RHEX: variants seen among roughly 807,000 people sequenced by gnomAD.
RHEX encodes regulator of hemoglobinization and erythroid cell expansion protein.
A neutral mutation model predicts 20.1 loss-of-function variants in RHEX; 18 were observed. That is an observed-to-expected ratio of 0.90 (90% CI 0.62 to 1.33). The LOEUF (loss-of-function observed/expected upper bound fraction) is 1.33, where lower values mean the gene tolerates loss of function less well. RHEX is among the 40% of genes most tolerant of loss of function. RHEX has a pLI of 0.00. For missense variants in RHEX, 192 were observed against 214.3 expected (o/e 0.90, Z 0.65); for synonymous variants, 87 against 77.1 (o/e 1.13, Z -0.67).
Position 206,102,400 on chromosome 1 carries a change from G to A in RHEX, c.*448G>A, listed in dbSNP as rs551969105. The stretch of plus-strand genomic sequence containing the variant: ...TTCCCTTTGAGCTCTTTAATTATTG[G>A]CAATAAACAACTTCTTTAAAAGTTT... On this transcript the variant is annotated 3_prime_UTR_variant, in exon 6 of 6. Transcript: ENST00000331555. 2 of 159,720 alleles carry A rather than the reference G, an allele frequency of 1.3e-5. No individual in the cohort carries two copies. Among genetic ancestry groups the A allele is most frequent in the Non-Finnish European group, 2.8e-5 (2 of 72,352 alleles). The allele number at this position is 159,720 out of a possible 1,614,324, so 9.9% of individuals were successfully genotyped here.
intron 4 of RHEX, among the ~76,000 whole-genome samples, chr1:206,100,031 C>A (rs909228895): frequency 6.6e-6 from 1 of 152,170 alleles, no homozygotes; most frequent in Non-Finnish European, 1.5e-5. Context: ...CGGGTTTAGT[C>A]GTGTGCAAAT....
intron 1 of RHEX, among the ~76,000 whole-genome samples, chr1:206,062,638 AG>A (rs57409523): frequency 0.019 from 2,837 of 152,106 alleles, 84 homozygotes; most frequent in African/African-American, 0.065. Context: ...GAGGAGGCAT[AG>A]GGGGGCTGCA....
In RHEX at chr1:206,101,626, T is replaced by C. The variant is rs57530058; in HGVS notation, c.319-126T>C. On this transcript the variant is annotated intron_variant, in intron 5 of 5. Coordinates refer to ENST00000331555, the MANE Select transcript of RHEX (RefSeq NM_001007544.4). Reference sequence around the variant, plus strand: ...CCTGGACTGCTCCCAGACACAGCTATTTGGACCCAGATCTTCCCCACCAAG... The same window carrying C: ...CCTGGACTGCTCCCAGACACAGCTACTTGGACCCAGATCTTCCCCACCAAG... The C allele has an allele frequency of 0.02, 14,521 of 716,080 alleles. 1,341 individuals carry two copies. In the African/African-American group the frequency reaches 0.21, roughly 10 times the overall value. The allele number at this position is 716,080 out of a possible 1,614,324, so 44.4% of individuals were successfully genotyped here.
intron 1 of RHEX, among the ~76,000 whole-genome samples, chr1:206,092,108 GA>G (rs1662966241): frequency 6.7e-6 from 1 of 148,404 alleles, no homozygotes; most frequent in Non-Finnish European, 1.5e-5. Context: ...CTTTTTAATA[GA>G]GATGGGGTCT....
chr1:206,092,846 G>A (rs1553287212), intron 1 of RHEX, among the ~76,000 whole-genome samples: 2 of 152,260 alleles, frequency 1.3e-5, no homozygotes, highest in African/African-American at 4.8e-5. Context: ...TGTGGAGGAG[G>A]CTGAATGTTA....
At chr1:206,071,162 C>A in intron 1 of RHEX, among the ~76,000 whole-genome samples, 1 of 152,176 alleles carries the variant, frequency 6.6e-6, no homozygotes, top group Middle Eastern at 3.4e-3. Flanking sequence ...GTCTGAGAGC[C>A]CCTGGCGCCC....
intron 4 of RHEX, among the ~76,000 whole-genome samples, chr1:206,100,438 T>G (rs1448124933): frequency 6.6e-6 from 1 of 152,212 alleles, no homozygotes; most frequent in Non-Finnish European, 1.5e-5. Flanking sequence ...CTTGATTGGT[T>G]TGAATTTGCT....
rs541420859 is a variant in RHEX, at chr1:206,059,785, C to T, written c.-97+6520C>T. 7.9e-5 allele frequency among the ~76,000 whole-genome samples: 12 copies of T among 152,232 alleles called. 1 individual carries two copies. In the East Asian group the frequency reaches 2.1e-3, roughly 27 times the overall value. On this transcript the variant is annotated intron_variant, in intron 1 of 5. Coordinates refer to ENST00000331555, the MANE Select transcript of RHEX (RefSeq NM_001007544.4). ...AGAATGTGGCTGGAGAGGGGATGGA[C>T]TTTGTGTCTCCATCCCTCGAGGCAG...
chr1:206,075,881 A>G (rs1277240231), intron 1 of RHEX, among the ~76,000 whole-genome samples: 11 of 152,256 alleles, frequency 7.2e-5, no homozygotes, highest in African/African-American at 2.6e-4. Flanking sequence ...GATTACAGGC[A>G]TGAGCCACCG....
chr1:206,082,321 G>C (rs1482201694), intron 1 of RHEX, among the ~76,000 whole-genome samples: 1 of 152,068 alleles, frequency 6.6e-6, no homozygotes, highest in African/African-American at 2.4e-5. Flanking sequence ...TTTGAGACCA[G>C]CTCCTGACCA....
At chr1:206,054,487 T>C (rs563399235) in intron 1 of RHEX, among the ~76,000 whole-genome samples, 1 of 151,320 alleles carries the variant, frequency 6.6e-6, no homozygotes, top group African/African-American at 2.5e-5. Context: ...AATTATTGTT[T>C]TAAAAGTTTA....
Position 206,086,474 on chromosome 1 carries a change from C to T in RHEX, c.-96-11259C>T, listed in dbSNP as rs146962742. Among the ~76,000 whole-genome samples, 575 of 152,204 alleles carry T rather than the reference C, an allele frequency of 3.8e-3. 2 individuals carry two copies. The highest frequency in any genetic ancestry group is 0.013 in the African/African-American group (537 of 41,526). On this transcript the variant is annotated intron_variant, in intron 1 of 5. Coordinates refer to ENST00000331555, the MANE Select transcript of RHEX (RefSeq NM_001007544.4). The stretch of plus-strand genomic sequence containing the variant: ...CTGTGATTACAGGTGTGAGCCACCA[C>T]GCCCGGCCAGCATTTTCAATACTGA...
chr1:206,080,921 G>A (rs530070998), intron 1 of RHEX, among the ~76,000 whole-genome samples: 1 of 152,202 alleles, frequency 6.6e-6, no homozygotes, highest in Non-Finnish European at 1.5e-5. Flanking sequence ...TTTCACCTCA[G>A]CCTCCCGAGT....
At chr1:206,083,854 C>T (rs1662785172) in intron 1 of RHEX, among the ~76,000 whole-genome samples, 1 of 152,192 alleles carries the variant, frequency 6.6e-6, no homozygotes, top group Admixed American at 6.5e-5. Context: ...GACCTGACAT[C>T]TGTCTACACT....
At chr1:206,061,053 A>C (rs1662300411) in intron 1 of RHEX, 2 of 152,198 alleles carry the variant, frequency 1.3e-5, no homozygotes, top group Non-Finnish European at 2.9e-5. Context: ...CTTCATGCTG[A>C]AAGCTATATA....
chr1:206,079,998 C>T (rs1168570735), intron 1 of RHEX, among the ~76,000 whole-genome samples: 2 of 152,188 alleles, frequency 1.3e-5, no homozygotes, highest in African/African-American at 2.4e-5. Context: ...GTTAAAAGGG[C>T]ATGCGGCTAC....
chr1:206,056,810 A>C (rs1345110261), intron 1 of RHEX, among the ~76,000 whole-genome samples: 1 of 152,384 alleles, frequency 6.6e-6, no homozygotes, highest in South Asian at 2.1e-4. Context: ...AAAGTTACAC[A>C]GTAAAAAAAA....
chr1:206,086,687 CA>C (rs1350586744), intron 1 of RHEX, among the ~76,000 whole-genome samples: 1 of 152,154 alleles, frequency 6.6e-6, no homozygotes, highest in African/African-American at 2.4e-5. Context: ...ATAGCACATA[CA>C]TGGTAAACAC....
intron 1 of RHEX, among the ~76,000 whole-genome samples, chr1:206,090,301 G>C (rs781822350): frequency 1.1e-4 from 16 of 149,390 alleles, no homozygotes; most frequent in Non-Finnish European, 1.8e-4. Context: ...CGTCTCCTAG[G>C]TTCAAGCGAT....
Sources: allele counts gnomAD v4.1 joint callset (sites outside exome capture counted in the v4.1 genomes callset), GRCh38; gene constraint gnomAD v4.1.1; transcripts MANE v1.5; gene names NCBI Gene and HGNC (gene_info 2026-07-23, HGNC 2026-07-21).